FRMD6: variants seen among roughly 807,000 people sequenced by gnomAD.
FRMD6 encodes FERM domain-containing protein 6.
A neutral mutation model predicts 73.2 loss-of-function variants in FRMD6; 37 were observed. The ratio of observed to expected loss-of-function variants is 0.51; its 90% CI spans 0.39 to 0.66. The LOEUF is 0.66. FRMD6 is among the 30% of genes least tolerant of loss of function. The pLI, the probability that FRMD6 is intolerant of heterozygous loss-of-function variation, is 0.00. For missense variants in FRMD6, 714 were observed against 780.5 expected (o/e 0.91, Z 1.02); for synonymous variants, 273 against 282.2 (o/e 0.97, Z 0.33).
rs200323061 is a variant in FRMD6, at chr14:51,720,323, C to T, written c.1293C>T (p.Gly431=). 1.1e-4 allele frequency: 180 copies of T among 1,613,996 alleles called. No individual in the cohort carries two copies. The East Asian group carries it at 3.4e-3, about 31-fold the overall frequency. ...LKTCSSMTSH[G]SSHTSGVESG... ...CCTGCAGCTCAATGACCAGTCATGG[C>T]AGCTCCCACACCTCAGGGGTGGAGA... Residue 431 remains glycine (G), a synonymous_variant, in exon 11 of 14, where the codon GGC becomes GGT. Coordinates refer to ENST00000344768, the MANE Select transcript of FRMD6 (RefSeq NM_001267046.2).
chr14:51,604,757 G>A (rs963054712), intron 2 of FRMD6, among the ~76,000 whole-genome samples: 1 of 151,978 alleles, frequency 6.6e-6, no homozygotes, highest in Admixed American at 6.6e-5. Context: ...CTTGTCCAGG[G>A]AATACTAACT....
chr14:51,619,869 G>A (rs1890861063), intron 2 of FRMD6, among the ~76,000 whole-genome samples: 1 of 152,150 alleles, frequency 6.6e-6, no homozygotes, highest in Non-Finnish European at 1.5e-5. Context: ...AAGAAAAGAT[G>A]AACTTGACAA....
intron 2 of FRMD6, among the ~76,000 whole-genome samples, chr14:51,592,692 G>A (rs1013532060): frequency 1.3e-5 from 2 of 152,032 alleles, no homozygotes; most frequent in Non-Finnish European, 2.9e-5. Flanking sequence ...ACATTTTTTG[G>A]TTTCCATCGT....
intron 1 of FRMD6, among the ~76,000 whole-genome samples, chr14:51,498,288 T>G (rs370512032): frequency 6.6e-6 from 1 of 152,240 alleles, no homozygotes; most frequent in African/African-American, 2.4e-5. Flanking sequence ...TTCAAAAATA[T>G]GGGTTTCCCT....
intron 6 of FRMD6, among the ~76,000 whole-genome samples, chr14:51,707,580 A>C (rs1420688847): frequency 3.3e-5 from 5 of 152,182 alleles, no homozygotes; most frequent in Non-Finnish European, 5.9e-5. Flanking sequence ...CTTATGCAAG[A>C]ACCAAAAATG....
intron 1 of FRMD6, among the ~76,000 whole-genome samples, chr14:51,523,889 A>C (rs1363986443): frequency 6.6e-6 from 1 of 152,232 alleles, no homozygotes; most frequent in African/African-American, 2.4e-5. Flanking sequence ...CAAATTGTGC[A>C]TAGTAAAATG....
chr14:51,495,739 C>T (rs17124012), intron 1 of FRMD6, among the ~76,000 whole-genome samples: 8,250 of 152,158 alleles, frequency 0.054, 730 homozygotes, highest in African/African-American at 0.19. Flanking sequence ...TGCCATGTTC[C>T]GTGGCCTAAA....
chr14:51,404,640 T>C, the FRMD6 span, among the ~76,000 whole-genome samples: 1 of 152,192 alleles, frequency 6.6e-6, no homozygotes, highest in Non-Finnish European at 1.5e-5. Flanking sequence ...TCCAGTACCA[T>C]GTTTTAAAAG....
chr14:51,525,132 ATAGG>A (rs1885172042), intron 1 of FRMD6, among the ~76,000 whole-genome samples: 5 of 141,872 alleles, frequency 3.5e-5, no homozygotes, highest in South Asian at 2.3e-4. Flanking sequence ...GAGACAGATG[ATAGG>A]TGGGTGGATG....
intron 4 of FRMD6, among the ~76,000 whole-genome samples, chr14:51,702,196 G>C (rs1362983307): frequency 6.6e-6 from 1 of 152,024 alleles, no homozygotes; most frequent in East Asian, 1.9e-4. Context: ...AGCTGAGCGA[G>C]GAGCTGGGTC....
chr14:51,482,638 G>T, the FRMD6 span, among the ~76,000 whole-genome samples: 2 of 151,878 alleles, frequency 1.3e-5, no homozygotes, highest in Admixed American at 6.6e-5. Flanking sequence ...ATCTAGGAAA[G>T]AGAGAGGTGC....
chr14:51,669,463 C>T (rs919890612), intron 1 of FRMD6, among the ~76,000 whole-genome samples: 1 of 152,170 alleles, frequency 6.6e-6, no homozygotes, highest in African/African-American at 2.4e-5. Context: ...TATTATTTAA[C>T]ATTCCCACCA....
intron 2 of FRMD6, among the ~76,000 whole-genome samples, chr14:51,625,416 C>G (rs1054383896): frequency 3.3e-5 from 5 of 151,812 alleles, no homozygotes; most frequent in Admixed American, 3.3e-4. Flanking sequence ...GATTTCTAAG[C>G]CTATATTTGT....
intron 10 of FRMD6, among the ~76,000 whole-genome samples, chr14:51,716,633 A>C (rs1897257109): frequency 6.6e-6 from 1 of 152,200 alleles, no homozygotes; most frequent in Non-Finnish European, 1.5e-5. Flanking sequence ...ATTCTTTTGT[A>C]ATTTCGTAGC....
intron 10 of FRMD6, among the ~76,000 whole-genome samples, chr14:51,719,320 A>G (rs1297787425): frequency 6.6e-6 from 1 of 152,252 alleles, no homozygotes; most frequent in African/African-American, 2.4e-5. Flanking sequence ...TTTACCAGTC[A>G]GAGTTGGAAA....
chr14:51,708,998 C>T (rs759603232), intron 7 of FRMD6, among the ~76,000 whole-genome samples: 1 of 152,154 alleles, frequency 6.6e-6, no homozygotes, highest in Non-Finnish European at 1.5e-5. Flanking sequence ...TGGGGCCATG[C>T]TCTGCAGGGA....
Position 51,698,228 on chromosome 14 carries a change from A to G in FRMD6, c.186A>G (p.Ile62Met). 1 of 1,609,428 alleles carries G rather than the reference A, an allele frequency of 6.2e-7. No individual in the cohort carries two copies. The highest frequency in any genetic ancestry group is 8.5e-7 in the Non-Finnish European group (1 of 1,176,618). ...KDCHLFGLSV[I>M]QNNEHVYMEL... ...GCCACCTCTTTGGACTCAGTGTTATACAAAGTAAGTCTTAGAGCCCTCTCT... is the reference window on the plus strand; with the variant it reads ...GCCACCTCTTTGGACTCAGTGTTATGCAAAGTAAGTCTTAGAGCCCTCTCT... Residue 62 changes from isoleucine (I) to methionine (M), a missense_variant, in exon 3 of 14, where the codon ATA becomes ATG. Ile to Met is a conservative substitution (Grantham distance 10). Transcript: ENST00000344768.
At chr14:51,617,307 G>T (rs1890753892) in intron 2 of FRMD6, among the ~76,000 whole-genome samples, 1 of 152,122 alleles carries the variant, frequency 6.6e-6, no homozygotes. Context: ...AGCAGGGAGT[G>T]GGGGGAAAAA....
the FRMD6 span, among the ~76,000 whole-genome samples, chr14:51,420,540 GA>G: frequency 6.6e-6 from 1 of 152,248 alleles, no homozygotes; most frequent in East Asian, 1.9e-4. Context: ...CCACATCTGT[GA>G]GTTCCTCATC....
Sources: gnomAD v4.1 joint callset for allele counts (sites outside exome capture counted in the v4.1 genomes callset) on GRCh38, gnomAD v4.1.1 for gene constraint, MANE v1.5 for transcripts, NCBI Gene and HGNC (gene_info 2026-07-23, HGNC 2026-07-21) for gene names.